The following BLVRB variants were observed in gnomAD, a reference collection of about 807,000 sequenced individuals.
BLVRB encodes flavin reductase (NADPH).
Under a neutral mutation model 21.1 loss-of-function variants are expected in BLVRB, and 25 were observed. That is an observed-to-expected ratio of 1.19 (90% CI 0.86 to 1.66). The LOEUF (loss-of-function observed/expected upper bound fraction) is 1.66, where lower values mean the gene tolerates loss of function less well. BLVRB is among the 40% of genes most tolerant of loss of function. The pLI is 0.00. For missense variants in BLVRB, 274 were observed against 282.7 expected, an observed-to-expected ratio of 0.97 and a Z score of 0.22; for synonymous variants, 128 against 122.2, an observed-to-expected ratio of 1.05 and a Z score of -0.31.
Position 40,449,855 on chromosome 19 carries a change from T to A in BLVRB, c.463+1509A>T, listed in dbSNP as rs555132434. 2.6e-5 allele frequency among the ~76,000 whole-genome samples: 4 copies of A among 152,288 alleles called. No individual in the cohort carries two copies. The South Asian group carries it at 8.3e-4, about 32-fold the overall frequency. On this transcript the variant is annotated intron_variant, in intron 4 of 4. Coordinates refer to ENST00000263368, the MANE Select transcript of BLVRB (RefSeq NM_000713.3). ...TAAGCATTGAACCTAAACAAAGGGC[T>A]TATGTGTATTCATAAACCTTTAATG...
rs1315570656 is a variant in BLVRB, at chr19:40,448,971, C to T, written c.464-925G>A. Among the ~76,000 whole-genome samples, 9 of 151,988 alleles carry T rather than the reference C, an allele frequency of 5.9e-5. No homozygotes were observed. In the South Asian group the frequency reaches 1.0e-3, roughly 17 times the overall value. ...GTGTGGTGGCTTATGCCTGTAGTCC[C>T]AGCTACTTGGGCAGGAGAATCACTT... is the stretch of plus-strand genomic sequence containing the variant. On this transcript the variant is annotated intron_variant, in intron 4 of 4. Coordinates refer to ENST00000263368, the MANE Select transcript of BLVRB (RefSeq NM_000713.3).
chr19:40,451,529 CTT>C (rs909676122), intron 3 of BLVRB, 37 bp from the exon 4 acceptor site: 33 of 1,447,570 alleles, frequency 2.3e-5, no homozygotes, highest in Non-Finnish European at 2.1e-5. Flanking sequence ...CCTGGGCTCT[CTT>C]GTCTTTTTTT....
chr19:40,464,517 C>T (rs962747189), intron 1 of BLVRB, among the ~76,000 whole-genome samples: 16 of 152,180 alleles, frequency 1.1e-4, no homozygotes, highest in South Asian at 4.1e-4. Flanking sequence ...CAGCTATGAC[C>T]AGCAGGGTGG....
At chr19:40,451,158 G>T (rs2079738003) in intron 4 of BLVRB, among the ~76,000 whole-genome samples, 1 of 152,184 alleles carries the variant, frequency 6.6e-6, no homozygotes, top group African/African-American at 2.4e-5. Context: ...CATTAGCATA[G>T]AAAAAGACAT....
At chr19:40,461,156 T>A (rs1568740647) in intron 1 of BLVRB, among the ~76,000 whole-genome samples, 1 of 152,064 alleles carries the variant, frequency 6.6e-6, no homozygotes, top group Non-Finnish European at 1.5e-5. Context: ...GTGCTGGGAT[T>A]ACAGGCATGA....
Position 40,465,628 on chromosome 19 carries a change from C to T in BLVRB, c.61G>A (p.Ala21Thr), listed in dbSNP as rs142395260. 1.2e-5 allele frequency: 19 copies of T among 1,612,396 alleles called. No homozygotes were observed. Among genetic ancestry groups the T allele is most frequent in the Non-Finnish European group, 1.6e-5 (19 of 1,179,806 alleles). The part of the protein sequence containing the change: ...ATGQTGLTTL[A>T]QAVQAGYEVT... ...CTCATGCCTGCTTGCACCGCCTGCG[C>T]CAGGGTGGTGAGCCCGGTCTGGCCA... Residue 21 changes from alanine to threonine, a missense_variant, in exon 1 of 5, where the codon GCG becomes ACG. Coordinates refer to ENST00000263368, the MANE Select transcript of BLVRB (RefSeq NM_000713.3).
At chr19:40,456,789 G>A (rs959979970) in intron 3 of BLVRB, among the ~76,000 whole-genome samples, 29 of 151,876 alleles carry the variant, frequency 1.9e-4, no homozygotes, top group Non-Finnish European at 3.5e-4. Context: ...CAGGAGGCTG[G>A]GGCAGGAGAA....
At chr19:40,460,568 C>A (rs746968621) in intron 1 of BLVRB, among the ~76,000 whole-genome samples, 1 of 151,388 alleles carries the variant, frequency 6.6e-6, no homozygotes, top group Non-Finnish European at 1.5e-5. Flanking sequence ...CACTGCACTC[C>A]AGCCTGGGCT....
Position 40,451,476 on chromosome 19 carries a change from G to T in BLVRB, c.351C>A (p.Asp117Glu). Reference protein sequence around the residue: ...VACTSAFLLWDPTKVPPRLQA... With the variant: ...VACTSAFLLWEPTKVPPRLQA... ...GCAGTCGTGGGGGCACCTTGGTAGGGTCCCAGAGCAGGAAAGCTGGAGGGA... is the reference window on the plus strand; with the variant it reads ...GCAGTCGTGGGGGCACCTTGGTAGGTTCCCAGAGCAGGAAAGCTGGAGGGA... Residue 117 changes from aspartate (D) to glutamate (E), a missense_variant, in exon 4 of 5, where the codon GAC becomes GAA. Physicochemically the swap from Asp to Glu is conservative, Grantham distance 45. Coordinates refer to ENST00000263368, the MANE Select transcript of BLVRB (RefSeq NM_000713.3). The T allele has an allele frequency of 6.2e-7, 1 of 1,612,224 alleles. No individual in the cohort carries two copies. The highest frequency in any genetic ancestry group is 8.5e-7 in the Non-Finnish European group (1 of 1,179,040).
At chr19:40,461,501 T>G in intron 1 of BLVRB, among the ~76,000 whole-genome samples, 1 of 144,702 alleles carries the variant, frequency 6.9e-6, no homozygotes, top group East Asian at 1.9e-4. Flanking sequence ...ACAGCACATT[T>G]TTTTTTTTTT....
At chr19:40,457,906 T>C (rs2079768659) in intron 3 of BLVRB, 1 of 494,658 alleles carries the variant, frequency 2.0e-6, no homozygotes, top group Non-Finnish European at 3.6e-6. Flanking sequence ...CCAGCTCCGA[T>C]GATCTGGATG....
At chr19:40,451,304 C>T (rs1380023134) in intron 4 of BLVRB, 60 bp downstream of exon 4, 8 of 1,566,240 alleles carry the variant, frequency 5.1e-6, no homozygotes, top group Non-Finnish European at 6.9e-6. Context: ...CAGATCTCCC[C>T]AGAGGGCAGG....
chr19:40,459,580 A>AT (rs1244058840), intron 1 of BLVRB, among the ~76,000 whole-genome samples: 1 of 149,618 alleles, frequency 6.7e-6, no homozygotes, highest in East Asian at 2.0e-4. Context: ...TATCATTATT[A>AT]TTTTTTTTGA....
In BLVRB at chr19:40,465,645, G is replaced by A. The variant is rs1325482093; in HGVS notation, c.44C>T (p.Thr15Ile). 6.2e-7 allele frequency: 1 copy of A among 1,612,820 alleles called. No homozygotes were observed. Reference protein sequence around the residue: ...KIAIFGATGQTGLTTLAQAVQ... With the variant: ...KIAIFGATGQIGLTTLAQAVQ... ...CGCCTGCGCCAGGGTGGTGAGCCCG[G>A]TCTGGCCAGTGGCGCCGAAGATCGC... Residue 15 changes from threonine to isoleucine, a missense_variant, in exon 1 of 5, where the codon ACC (threonine) becomes ATC (isoleucine). Physicochemically the swap from Thr to Ile is moderately conservative, Grantham distance 89. Coordinates refer to ENST00000263368, the MANE Select transcript of BLVRB (RefSeq NM_000713.3).
chr19:40,465,425 A>G (rs557111959), intron 1 of BLVRB, among the ~76,000 whole-genome samples, 185 bp downstream of exon 1: 17 of 152,346 alleles, frequency 1.1e-4, no homozygotes, highest in African/African-American at 3.6e-4. Flanking sequence ...TTGGACTCAC[A>G]TAAACTTGGA....
At chr19:40,462,969 G>C (rs1288475688) in intron 1 of BLVRB, among the ~76,000 whole-genome samples, 1 of 145,940 alleles carries the variant, frequency 6.9e-6, no homozygotes, top group Non-Finnish European at 1.5e-5. Context: ...GTACACAAAC[G>C]CATACATATA....
rs757578768 is a variant in BLVRB at position 40,451,486 on chromosome 19, A to G, written c.341T>C (p.Leu114Pro). 25 of 1,608,928 alleles carry G rather than the reference A, an allele frequency of 1.6e-5. No individual in the cohort carries two copies. Among genetic ancestry groups the G allele is most frequent in the Non-Finnish European group, 2.1e-5 (25 of 1,177,818 alleles). ...GGGCACCTTGGTAGGGTCCCAGAGCAGGAAAGCTGGAGGGAACACAGGGCA... is the reference window on the plus strand; with the variant it reads ...GGGCACCTTGGTAGGGTCCCAGAGCGGGAAAGCTGGAGGGAACACAGGGCA... ...DKVVACTSAFLLWDPTKVPPR... is the reference protein window; with the variant it reads ...DKVVACTSAFPLWDPTKVPPR... The change falls in exon 4 of 5, where the codon CTG becomes CCG. Residue 114 changes from leucine (L) to proline (P), a missense_variant. Transcript: ENST00000263368.
In BLVRB at chr19:40,451,433, G is replaced by A. The variant is rs2079739340; in HGVS notation, c.394C>T (p.His132Tyr). ...PPRLQAVTDDHIRMHKVLRES... is the reference protein window; with the variant it reads ...PPRLQAVTDDYIRMHKVLRES... The stretch of plus-strand genomic sequence containing the variant: ...CGCAGCACCTTGTGCATCCGGATGT[G>A]GTCATCAGTCACAGCCTGCAGTCGT... Residue 132 changes from histidine to tyrosine, a missense_variant, in exon 4 of 5, where the codon CAC becomes TAC. By Grantham distance (83) the His-to-Tyr change is moderately conservative (BLOSUM62 2). Transcript: ENST00000263368. The A allele has an allele frequency of 4.3e-6, 7 of 1,613,238 alleles. No homozygotes were observed. Among genetic ancestry groups the A allele is most frequent in the Non-Finnish European group, 5.9e-6 (7 of 1,179,736 alleles).
chr19:40,462,201 T>C (rs1012997207), intron 1 of BLVRB, among the ~76,000 whole-genome samples: 1 of 151,730 alleles, frequency 6.6e-6, no homozygotes, highest in Admixed American at 6.6e-5. Flanking sequence ...CCACCTTTCA[T>C]AGGGGAATGA....
Sources: gnomAD v4.1 joint callset for allele counts (sites outside exome capture counted in the v4.1 genomes callset) on GRCh38, gnomAD v4.1.1 for gene constraint, MANE v1.5 for transcripts, NCBI Gene and HGNC (gene_info 2026-07-23, HGNC 2026-07-21) for gene names.